The following WWOX variants were observed in gnomAD, a reference collection of about 807,000 sequenced individuals.
WWOX encodes WW domain-containing oxidoreductase.
WWOX carries 69 observed loss-of-function variants against 46.2 expected under a neutral mutation model. The ratio of observed to expected loss-of-function variants is 1.49; its 90% CI spans 1.23 to 1.82. The LOEUF (loss-of-function observed/expected upper bound fraction) is 1.82, where lower values mean the gene tolerates loss of function less well. Among genes scored for constraint, WWOX ranks in the 40% most tolerant of loss-of-function variants. The pLI, the probability that WWOX is intolerant of heterozygous loss-of-function variation, is 0.00. For synonymous variants in WWOX, 359 were observed against 202.6 expected (o/e 1.77, Z -6.56); for missense variants, 919 against 542.6 (o/e 1.69, Z -6.89).
chr16:78,194,032 C>T (rs1012470147), intron 5 of WWOX, among the ~76,000 whole-genome samples: 8 of 150,804 alleles, frequency 5.3e-5, no homozygotes, highest in South Asian at 2.1e-4. Context: ...CGCCCACCAC[C>T]GAGCCCGGCT....
chr16:78,543,067 G>T (rs2043936228), intron 8 of WWOX, among the ~76,000 whole-genome samples: 1 of 152,216 alleles, frequency 6.6e-6, no homozygotes, highest in Non-Finnish European at 1.5e-5. Context: ...TTTGAGCAGA[G>T]TACATGTGTT....
chr16:78,683,867 CAG>C (rs991760129), intron 8 of WWOX, among the ~76,000 whole-genome samples: 1 of 152,122 alleles, frequency 6.6e-6, no homozygotes, highest in African/African-American at 2.4e-5. Context: ...TCACAAGGAA[CAG>C]AGTTTTACTT....
chr16:78,272,166 A>C (rs1194754298), intron 5 of WWOX, among the ~76,000 whole-genome samples: 1 of 152,040 alleles, frequency 6.6e-6, no homozygotes, highest in Non-Finnish European at 1.5e-5. Context: ...CAGTGGAGTG[A>C]CTCTTCTGCC....
chr16:78,907,296 C>T (rs2044991015), intron 8 of WWOX, among the ~76,000 whole-genome samples: 2 of 152,044 alleles, frequency 1.3e-5, no homozygotes, highest in African/African-American at 4.8e-5. Flanking sequence ...AATGCAAAAG[C>T]CGGAAAAGAC....
At chr16:78,764,798 C>G (rs1413195604) in intron 8 of WWOX, among the ~76,000 whole-genome samples, 1 of 151,748 alleles carries the variant, frequency 6.6e-6, no homozygotes. Context: ...ACACGGTAAA[C>G]AACTTACCTA....
intron 8 of WWOX, among the ~76,000 whole-genome samples, chr16:78,909,810 A>G (rs1330890165): frequency 4.6e-5 from 7 of 152,220 alleles, no homozygotes; most frequent in Non-Finnish European, 8.8e-5. Flanking sequence ...CAGTGATATG[A>G]GAAAAGGGCC....
At chr16:78,265,678 CAAA>C (rs61417547) in intron 5 of WWOX, among the ~76,000 whole-genome samples, 17,188 of 132,350 alleles carry the variant, frequency 0.13, 1,142 homozygotes, top group Admixed American at 0.17. Flanking sequence ...AACTCCATGT[CAAA>C]AAAAAAAAAA....
chr16:78,562,055 G>A (rs151290513), intron 8 of WWOX, among the ~76,000 whole-genome samples: 3 of 152,272 alleles, frequency 2.0e-5, no homozygotes, highest in East Asian at 1.9e-4. Context: ...GCCCCGTGGA[G>A]GCATATGCTG....
At chr16:79,132,166 A>ACACACACACACC (rs1260096040) in intron 8 of WWOX, among the ~76,000 whole-genome samples, 4 of 141,768 alleles carry the variant, frequency 2.8e-5, no homozygotes, top group African/African-American at 1.1e-4. Flanking sequence ...ACACACACAC[A>ACACACACACACC]CCCCTTCCTA....
At chr16:78,764,472 A>C (rs2049879280) in intron 8 of WWOX, among the ~76,000 whole-genome samples, 1 of 148,468 alleles carries the variant, frequency 6.7e-6, no homozygotes, top group East Asian at 2.0e-4. Context: ...TGTAAAATTA[A>C]GACTGTTTTC....
chr16:79,086,229 T>A (rs2048851823), intron 8 of WWOX, among the ~76,000 whole-genome samples: 1 of 152,226 alleles, frequency 6.6e-6, no homozygotes, highest in Admixed American at 6.5e-5. Context: ...AAATGTTAAT[T>A]GAGCATTTTC....
At chr16:78,327,572 G>C (rs901109212) in intron 5 of WWOX, among the ~76,000 whole-genome samples, 1 of 152,050 alleles carries the variant, frequency 6.6e-6, no homozygotes, top group African/African-American at 2.4e-5. Flanking sequence ...TGGGGTATTA[G>C]GATTCCCTTC....
intron 5 of WWOX, among the ~76,000 whole-genome samples, chr16:78,351,027 T>C (rs1415075065): frequency 6.6e-6 from 1 of 152,234 alleles, no homozygotes; most frequent in Non-Finnish European, 1.5e-5. Context: ...GTGATTTTGA[T>C]TTGGATTTTC....
chr16:79,211,463 C>T (rs2051743891), intron 8 of WWOX, 145 bp from the exon 9 acceptor site: 1 of 999,348 alleles, frequency 1.0e-6, no homozygotes, highest in Non-Finnish European at 1.5e-6. Context: ...CATGTGCTTT[C>T]AGCCCAGTAC....
intron 8 of WWOX, among the ~76,000 whole-genome samples, chr16:78,578,274 A>ATTT (rs2044947905): frequency 6.4e-5 from 2 of 31,196 alleles, no homozygotes; most frequent in East Asian, 1.5e-3. Flanking sequence ...ATATATATAT[A>ATTT]TATATATATA....
At chr16:78,703,439 C>G (rs1473296125) in intron 8 of WWOX, among the ~76,000 whole-genome samples, 3 of 140,556 alleles carry the variant, frequency 2.1e-5, no homozygotes, top group Non-Finnish European at 4.6e-5. Flanking sequence ...AACATAGAGA[C>G]TCTGTCTCTA....
intron 8 of WWOX, among the ~76,000 whole-genome samples, chr16:78,504,574 G>T (rs904387266): frequency 6.6e-6 from 1 of 152,172 alleles, no homozygotes; most frequent in African/African-American, 2.4e-5. Flanking sequence ...TCCAGAAGTG[G>T]GCGTCGTGAT....
At chr16:78,759,685 AG>A (rs2049743212) in intron 8 of WWOX, among the ~76,000 whole-genome samples, 1 of 152,194 alleles carries the variant, frequency 6.6e-6, no homozygotes, top group Non-Finnish European at 1.5e-5. Flanking sequence ...TTTGAACATG[AG>A]ACTGTATGCT....
intron 8 of WWOX, among the ~76,000 whole-genome samples, chr16:78,523,929 T>G (rs1351408198): frequency 6.6e-6 from 1 of 152,168 alleles, no homozygotes; most frequent in Non-Finnish European, 1.5e-5. Context: ...TACCAGTGAT[T>G]TCTGTTTTTC....
Sources: allele counts gnomAD v4.1 joint callset (sites outside exome capture counted in the v4.1 genomes callset), GRCh38; gene constraint gnomAD v4.1.1; transcripts MANE v1.5; gene names NCBI Gene and HGNC (gene_info 2026-07-23, HGNC 2026-07-21).